The following CTNNA3 variants were observed in gnomAD, a reference collection of about 807,000 sequenced individuals.
The protein encoded by CTNNA3 is catenin alpha-3.
CTNNA3 carries 76 observed loss-of-function variants against 95.7 expected under a neutral mutation model. The ratio of observed to expected loss-of-function variants is 0.79; its 90% CI spans 0.66 to 0.96. CTNNA3 has a LOEUF of 0.96. CTNNA3 is among the 40% of genes least tolerant of loss of function. The pLI is 0.00. For synonymous variants in CTNNA3, 431 were observed against 374.4 expected, an observed-to-expected ratio of 1.15 and a Z score of -1.74; for missense variants, 1,191 against 1,089.8, an observed-to-expected ratio of 1.09 and a Z score of -1.31.
chr10:67,701,964 G>C (rs1160704274), intron 1 of CTNNA3, among the ~76,000 whole-genome samples: 1 of 152,124 alleles, frequency 6.6e-6, no homozygotes, highest in South Asian at 2.1e-4. Flanking sequence ...AAAAAAGGCA[G>C]GGGTTGCAAT....
chr10:66,656,496 G>C (rs534197772), intron 9 of CTNNA3, among the ~76,000 whole-genome samples: 75 of 152,230 alleles, frequency 4.9e-4, no homozygotes, highest in African/African-American at 1.7e-3. Flanking sequence ...TTTGAGCCCA[G>C]AAAGGGATGT....
At position 67,724,917 on chromosome 10, in the gene CTNNA3, G is replaced by C. The variant is rs568235579; in HGVS notation, c.-2+38517C>G. Among the ~76,000 whole-genome samples, 8 of 152,160 alleles carry C rather than the reference G, an allele frequency of 5.3e-5. No homozygotes were observed. The South Asian group carries it at 1.7e-3, about 32-fold the overall frequency. Reference sequence around the variant, plus strand: ...TATACAACAACTTGCCAGTGCTCACGTAAGAATTTCATATACCAAAACCTT... The same window carrying C: ...TATACAACAACTTGCCAGTGCTCACCTAAGAATTTCATATACCAAAACCTT... On this transcript the variant is annotated intron_variant, in intron 1 of 17. Coordinates refer to the CTNNA3 transcript ENST00000684154.
chr10:65,951,962 G>T (rs1295189620), intron 17 of CTNNA3, among the ~76,000 whole-genome samples: 1 of 149,826 alleles, frequency 6.7e-6, no homozygotes, highest in African/African-American at 2.5e-5. Context: ...CCCGGGAGGC[G>T]GAGCTTGCAG....
chr10:66,141,214 A>T (rs980551041), intron 13 of CTNNA3, among the ~76,000 whole-genome samples: 5 of 151,842 alleles, frequency 3.3e-5, no homozygotes, highest in African/African-American at 1.2e-4. Context: ...AGCTTAGATC[A>T]TGCCACTTGA....
At chr10:67,488,052 G>T (rs916474883) in intron 5 of CTNNA3, among the ~76,000 whole-genome samples, 3 of 152,138 alleles carry the variant, frequency 2.0e-5, no homozygotes, top group Non-Finnish European at 4.4e-5. Flanking sequence ...TGTTTGTGAG[G>T]GAGGTAGATG....
At chr10:66,975,271 A>G (rs538583606) in intron 7 of CTNNA3, among the ~76,000 whole-genome samples, 15 of 152,220 alleles carry the variant, frequency 9.9e-5, no homozygotes, top group Non-Finnish European at 1.9e-4. Flanking sequence ...GTATTCACAT[A>G]TAATTAATAG....
intron 9 of CTNNA3, among the ~76,000 whole-genome samples, chr10:66,631,511 T>G (rs564644588): frequency 5.9e-5 from 9 of 152,304 alleles, no homozygotes; most frequent in African/African-American, 2.2e-4. Flanking sequence ...GAACTGGATA[T>G]CAATAGATTT....
intron 7 of CTNNA3, among the ~76,000 whole-genome samples, chr10:67,120,403 T>C (rs1366088814): frequency 6.6e-6 from 1 of 152,002 alleles, no homozygotes; most frequent in Non-Finnish European, 1.5e-5. Flanking sequence ...ATCATACACA[T>C]AGACTCTTCA....
chr10:66,297,748 T>C (rs971015167), intron 12 of CTNNA3, among the ~76,000 whole-genome samples: 1 of 152,176 alleles, frequency 6.6e-6, no homozygotes, highest in Non-Finnish European at 1.5e-5. Flanking sequence ...AGGCCAACTT[T>C]CCAGATAACC....
chr10:67,055,166 C>A lies in CTNNA3; in HGVS notation c.1047+125151G>T, dbSNP rs1855347042. 3.9e-5 allele frequency: 6 copies of A among 152,132 alleles called. 1 individual carries two copies. In the South Asian group the frequency reaches 1.2e-3, roughly 31 times the overall value. 9.4% of individuals were successfully genotyped at this position (152,132 alleles called of 1,614,324 possible). ...TCCTACCTACGCATCTTTGAGACAG[C>A]TGCATAGGCTCTTTGCATCTCAACT... On this transcript the variant is annotated intron_variant, in intron 7 of 17. Transcript: ENST00000433211.
chr10:66,071,145 C>A (rs1418056691), intron 14 of CTNNA3, among the ~76,000 whole-genome samples: 2 of 152,016 alleles, frequency 1.3e-5, no homozygotes, highest in African/African-American at 2.4e-5. Flanking sequence ...GTGAAAAATT[C>A]TTTATTGAAT....
At chr10:67,041,996 A>G (rs1854422103) in intron 7 of CTNNA3, among the ~76,000 whole-genome samples, 1 of 152,160 alleles carries the variant, frequency 6.6e-6, no homozygotes, top group African/African-American at 2.4e-5. Flanking sequence ...ATAAAATTGA[A>G]GTAACCTTAA....
intron 2 of CTNNA3, among the ~76,000 whole-genome samples, chr10:67,634,690 A>C (rs912519170): frequency 1.2e-4 from 18 of 152,228 alleles, no homozygotes; most frequent in African/African-American, 4.1e-4. Context: ...AGTTTCTGAC[A>C]AAATAGACTT....
chr10:67,019,776 T>G (rs1033231025), intron 7 of CTNNA3, among the ~76,000 whole-genome samples: 1 of 152,134 alleles, frequency 6.6e-6, no homozygotes, highest in African/African-American at 2.4e-5. Flanking sequence ...ACCCTGTTTG[T>G]CCTATTTGAC....
intron 7 of CTNNA3, among the ~76,000 whole-genome samples, chr10:67,044,626 C>A (rs1223727983): frequency 6.6e-6 from 1 of 152,120 alleles, no homozygotes; most frequent in Non-Finnish European, 1.5e-5. Context: ...TGACACAGCT[C>A]ATGTTATATT....
At chr10:67,322,165 C>T (rs1841349947) in intron 5 of CTNNA3, among the ~76,000 whole-genome samples, 1 of 152,082 alleles carries the variant, frequency 6.6e-6, no homozygotes, top group Non-Finnish European at 1.5e-5. Context: ...TTTAAACAGG[C>T]ATTTAAGAAG....
intron 13 of CTNNA3, among the ~76,000 whole-genome samples, chr10:66,199,913 A>G (rs2087282988): frequency 7.0e-6 from 1 of 143,098 alleles, no homozygotes; most frequent in African/African-American, 2.7e-5. Context: ...TGGTCTCCCG[A>G]AGTGCTGGGA....
At chr10:67,206,897 G>C (rs112955646) in intron 6 of CTNNA3, among the ~76,000 whole-genome samples, 7,369 of 152,166 alleles carry the variant, frequency 0.048, 222 homozygotes, top group South Asian at 0.11. Flanking sequence ...TTGGGAGGCT[G>C]AGGCAGATGG....
chr10:65,947,287 C>G (rs568506957), intron 17 of CTNNA3, among the ~76,000 whole-genome samples: 1 of 152,076 alleles, frequency 6.6e-6, no homozygotes, highest in Non-Finnish European at 1.5e-5. Context: ...CATTTTCTTA[C>G]CTTTTTTCTT....
Sources: allele counts gnomAD v4.1 joint callset (sites outside exome capture counted in the v4.1 genomes callset), GRCh38; gene constraint gnomAD v4.1.1; transcripts MANE v1.5; gene names NCBI Gene and HGNC (gene_info 2026-07-23, HGNC 2026-07-21).